Variants in MTHFD2L observed in about 807,000 individuals in gnomAD.
MTHFD2L encodes bifunctional methylenetetrahydrofolate dehydrogenase/cyclohydrolase 2, mitochondrial.
MTHFD2L carries 29 observed loss-of-function variants against 34.9 expected under a neutral mutation model. The ratio of observed to expected loss-of-function variants is 0.83; its 90% CI spans 0.62 to 1.13. The LOEUF (loss-of-function observed/expected upper bound fraction) is 1.13. MTHFD2L is among the 50% of genes most tolerant of loss of function. The pLI is 0.00. For missense variants in MTHFD2L, 481 were observed against 446.5 expected (o/e 1.08, Z -0.70); for synonymous variants, 167 against 155.7 (o/e 1.07, Z -0.54).
intron 7 of MTHFD2L, among the ~76,000 whole-genome samples, chr4:74,295,012 G>T (rs1439335379): frequency 6.6e-6 from 1 of 152,028 alleles, no homozygotes; most frequent in East Asian, 1.9e-4. Flanking sequence ...TTATTTAGTA[G>T]TATACATTTT....
intron 6 of MTHFD2L, among the ~76,000 whole-genome samples, chr4:74,256,533 A>G (rs763887929): frequency 4.6e-5 from 7 of 152,218 alleles, no homozygotes; most frequent in South Asian, 2.1e-4. Context: ...TTGAGGCCTT[A>G]TATTTAAATC....
chr4:74,143,407 G>A (rs1723397696), intron 1 of MTHFD2L: 2 of 985,402 alleles, frequency 2.0e-6, no homozygotes, highest in African/African-American at 3.5e-5. Context: ...GTGCAGCATG[G>A]AAACACGGAT....
At chr4:74,188,565 T>C (rs1173963778) in intron 3 of MTHFD2L, among the ~76,000 whole-genome samples, 1 of 151,966 alleles carries the variant, frequency 6.6e-6, no homozygotes, top group Non-Finnish European at 1.5e-5. Context: ...TGTTTATAGA[T>C]AGTTGGAGCT....
At chr4:74,167,700 C>G (rs531001406) in intron 1 of MTHFD2L, among the ~76,000 whole-genome samples, 9 of 152,234 alleles carry the variant, frequency 5.9e-5, no homozygotes, top group African/African-American at 2.2e-4. Context: ...AATATTATAT[C>G]TGAAGATCTG....
At chr4:74,292,228 T>C (rs368341394) in intron 7 of MTHFD2L, among the ~76,000 whole-genome samples, 6 of 152,340 alleles carry the variant, frequency 3.9e-5, no homozygotes, top group African/African-American at 1.4e-4. Context: ...TCAAATCAAC[T>C]TCTAGAGACT....
intron 6 of MTHFD2L, among the ~76,000 whole-genome samples, chr4:74,255,164 ATTAG>A (rs1325691478): frequency 3.4e-5 from 5 of 146,424 alleles, no homozygotes; most frequent in Admixed American, 6.9e-5. Flanking sequence ...AAAAAAAAGA[ATTAG>A]TTAATGGGTA....
intron 3 of MTHFD2L, 70 bp downstream of exon 3, chr4:74,175,473 T>C (rs1350985380): frequency 2.2e-5 from 31 of 1,433,552 alleles, no homozygotes; most frequent in Non-Finnish European, 2.9e-5. Context: ...CAACATCATA[T>C]TATGATACTG....
intron 7 of MTHFD2L, 138 bp from the exon 8 acceptor site, chr4:74,301,553 GTGTGTC>G: frequency 1.9e-6 from 1 of 532,608 alleles, no homozygotes. Flanking sequence ...GTGTGTGTGT[GTGTGTC>G]TGTTTATTAC....
At chr4:74,186,997 G>A (rs1317231371) in intron 3 of MTHFD2L, among the ~76,000 whole-genome samples, 1 of 152,128 alleles carries the variant, frequency 6.6e-6, no homozygotes, top group East Asian at 1.9e-4. Context: ...TCCAGAAAGA[G>A]ATTCACACTT....
intron 3 of MTHFD2L, among the ~76,000 whole-genome samples, chr4:74,179,012 C>T (rs1325171502): frequency 2.6e-5 from 4 of 152,010 alleles, no homozygotes; most frequent in East Asian, 1.9e-4. Context: ...ATGTGGCAGG[C>T]ACTCCCTTAC....
chr4:74,172,649 C>T (rs1477966910), intron 1 of MTHFD2L, among the ~76,000 whole-genome samples: 1 of 152,142 alleles, frequency 6.6e-6, no homozygotes, highest in East Asian at 1.9e-4. Flanking sequence ...TGCAGATTTC[C>T]AGGTTTTTCC....
At chr4:74,133,173 G>T (rs1722678090) in intron 1 of MTHFD2L, among the ~76,000 whole-genome samples, 1 of 152,108 alleles carries the variant, frequency 6.6e-6, no homozygotes, top group African/African-American at 2.4e-5. Flanking sequence ...GGTTTCCATT[G>T]TGAAGTCTGT....
intron 3 of MTHFD2L, among the ~76,000 whole-genome samples, chr4:74,192,527 C>T (rs188546771): frequency 2.0e-5 from 3 of 152,218 alleles, no homozygotes; most frequent in Non-Finnish European, 2.9e-5. Context: ...GAAATGTACA[C>T]ATCTTATATG....
chr4:74,117,521 G>A lies in MTHFD2L; in HGVS notation c.-144+2864G>A, dbSNP rs372950953. ...GTGAAAGAATGATCTTTCAGGAAGCGTTCAAGTAGGGCTGCTGCTTGGATT... is the reference window on the plus strand; with the variant it reads ...GTGAAAGAATGATCTTTCAGGAAGCATTCAAGTAGGGCTGCTGCTTGGATT... On this transcript the variant is annotated intron_variant and NMD_transcript_variant, in intron 2 of 9. Transcript: ENST00000429519. Among the ~76,000 whole-genome samples the A allele has an allele frequency of 7.2e-5, 11 of 152,258 alleles. No homozygotes were observed. The South Asian group carries it at 8.3e-4, about 11-fold the overall frequency.
At chr4:74,197,994 CAT>C in intron 3 of MTHFD2L, among the ~76,000 whole-genome samples, 1 of 152,180 alleles carries the variant, frequency 6.6e-6, no homozygotes, top group South Asian at 2.1e-4. Context: ...TTCATCTACT[CAT>C]ATGGAGCTCT....
intron 1 of MTHFD2L, among the ~76,000 whole-genome samples, chr4:74,173,621 C>T (rs1728448314): frequency 1.3e-5 from 2 of 152,130 alleles, no homozygotes; most frequent in Non-Finnish European, 2.9e-5. Flanking sequence ...TAACCAAAAA[C>T]GAACTGATTT....
intron 6 of MTHFD2L, among the ~76,000 whole-genome samples, chr4:74,249,042 CT>C (rs1742917192): frequency 6.6e-6 from 1 of 152,112 alleles, no homozygotes; most frequent in Non-Finnish European, 1.5e-5. Context: ...TCCTTGTTAA[CT>C]TTCTGTCTTG....
At position 74,201,386 on chromosome 4, in the gene MTHFD2L, C is replaced by A; in HGVS notation, c.712+16C>A. On this transcript the variant is annotated intron_variant, in intron 5 of 7. Coordinates refer to ENST00000325278, the MANE Select transcript of MTHFD2L (RefSeq NM_001144978.3). The stretch of plus-strand genomic sequence containing the variant: ...CGGCCAGGAGGTAGGTAGAACCTTG[C>A]AGATTCTACACTCTCTCGCAGTATT... 1 of 1,536,592 alleles carries A rather than the reference C, an allele frequency of 6.5e-7. No homozygotes were observed. Among genetic ancestry groups the A allele is most frequent in the Non-Finnish European group, 9.0e-7 (1 of 1,112,106 alleles).
chr4:74,215,091 T>C (rs1736973494), intron 5 of MTHFD2L, among the ~76,000 whole-genome samples: 1 of 151,774 alleles, frequency 6.6e-6, no homozygotes, highest in Non-Finnish European at 1.5e-5. Flanking sequence ...TTCAGACTGC[T>C]ATGCTGGCAG....
Sources: allele counts gnomAD v4.1 joint callset (sites outside exome capture counted in the v4.1 genomes callset), GRCh38; gene constraint gnomAD v4.1.1; transcripts MANE v1.5; gene names NCBI Gene and HGNC (gene_info 2026-07-23, HGNC 2026-07-21).